Variants in ADD2 observed in about 807,000 individuals in gnomAD.
ADD2 encodes the protein beta-adducin.
ADD2 carries 23 observed loss-of-function variants against 83.0 expected under a neutral mutation model. The observed-to-expected ratio is 0.28, with a 90% CI of 0.20 to 0.39. ADD2 has a LOEUF of 0.39. Among genes scored for constraint, ADD2 ranks in the 10% least tolerant of loss-of-function variants. ADD2 has a pLI of 1.00. For missense variants in ADD2, 758 were observed against 944.9 expected, an observed-to-expected ratio of 0.80 and a Z score of 2.59; for synonymous variants, 375 against 375.4, an observed-to-expected ratio of 1.00 and a Z score of 0.01.
At chr2:70,748,888 C>G (rs978733334) in intron 1 of ADD2, among the ~76,000 whole-genome samples, 1 of 152,168 alleles carries the variant, frequency 6.6e-6, no homozygotes, top group Non-Finnish European at 1.5e-5. Flanking sequence ...TTTAAAGGCA[C>G]TTAGTGCAGC....
intron 15 of ADD2, among the ~76,000 whole-genome samples, chr2:70,668,409 C>T (rs1669766860): frequency 6.6e-6 from 1 of 152,222 alleles, no homozygotes; most frequent in East Asian, 1.9e-4. Flanking sequence ...ACAGCCTCCC[C>T]TGACATTGGA....
chr2:70,694,427 T>TA lies in ADD2; in HGVS notation c.555+1293_555+1294insT, dbSNP rs1181608239. On this transcript the variant is annotated intron_variant, in intron 6 of 15. Coordinates refer to ENST00000264436, the MANE Select transcript of ADD2 (RefSeq NM_001617.4). ...CTGCTCGCATTTCAGTGGCTCTGAGTGTCCAGCAGAATAAAGCCAAAGCAC... is the reference window on the plus strand; with the variant it reads ...CTGCTCGCATTTCAGTGGCTCTGAGTAGTCCAGCAGAATAAAGCCAAAGCAC... Among the ~76,000 whole-genome samples the TA allele has an allele frequency of 6.6e-5, 10 of 152,250 alleles. 1 individual carries two copies. In the East Asian group the frequency reaches 1.9e-3, roughly 29 times the overall value.
Position 70,663,733 on chromosome 2 carries a change from C to T in ADD2, c.1873G>A (p.Gly625Ser), listed in dbSNP as rs531410257. Reference sequence around the variant, plus strand: ...TTGCTTGTTTCTGTCTTCTTAGTACCTTCTAGAAAAAGATCAAAAGATATG... The same window carrying T: ...TTGCTTGTTTCTGTCTTCTTAGTACTTTCTAGAAAAAGATCAAAAGATATG... Reference protein sequence around the residue: ...LVSPSKSLEEGTKKTETSKAA... With the variant: ...LVSPSKSLEESTKKTETSKAA... The change falls in exon 16 of 16, where the codon GGT becomes AGT. Residue 625 changes from glycine to serine, a missense_variant and splice_region_variant. Gly to Ser is a moderately conservative substitution (Grantham distance 56). This residue lies in a region of ADD2 where 165 missense variants were observed against 176.2 expected (regional missense o/e 0.94). Transcript: ENST00000264436. The T allele has an allele frequency of 6.2e-7, 1 of 1,611,584 alleles. No homozygotes were observed. Among genetic ancestry groups the T allele is most frequent in the East Asian group, 2.2e-5 (1 of 44,854 alleles).
intron 9 of ADD2, among the ~76,000 whole-genome samples, chr2:70,685,694 T>C (rs1553370413): frequency 6.6e-6 from 1 of 152,206 alleles, no homozygotes. Flanking sequence ...CTGGTACATA[T>C]GGGGTGAAGT....
In ADD2 at chr2:70,730,303, G is replaced by A. The variant is rs143484383; in HGVS notation, c.-153-17119C>T. On this transcript the variant is annotated intron_variant, in intron 1 of 15. Coordinates refer to ENST00000264436, the MANE Select transcript of ADD2 (RefSeq NM_001617.4). Reference sequence around the variant, plus strand: ...GGACATGTGAGCATGATACCACATCGGGCCTCTGCACACAGAGGTTCTTCA... The same window carrying A: ...GGACATGTGAGCATGATACCACATCAGGCCTCTGCACACAGAGGTTCTTCA... 3.9e-3 allele frequency among the ~76,000 whole-genome samples: 587 copies of A among 152,284 alleles called. 6 individuals are homozygous for A. Among genetic ancestry groups the A allele is most frequent in the African/African-American group, 0.013 (545 of 41,568 alleles).
chr2:70,756,180 C>G (rs1259492170), intron 1 of ADD2, among the ~76,000 whole-genome samples: 6 of 152,152 alleles, frequency 3.9e-5, no homozygotes, highest in African/African-American at 1.2e-4. Flanking sequence ...CTTTCCTCCC[C>G]CAACATACAG....
chr2:70,742,869 G>GT lies in ADD2; in HGVS notation c.-154+25016dup, dbSNP rs144603491. ...ATACTTACATACATCTTAATGTTAT[G>GT]TTTTTTTAAGTTATGTGATATTTAA... On this transcript the variant is annotated intron_variant, in intron 1 of 15. Transcript: ENST00000264436. Among the ~76,000 whole-genome samples the GT allele has an allele frequency of 5.9e-3, 893 of 152,138 alleles. 9 individuals are homozygous for GT. Among genetic ancestry groups the GT allele is most frequent in the African/African-American group, 0.02 (843 of 41,484 alleles).
chr2:70,757,748 T>A (rs1245116466), intron 1 of ADD2, among the ~76,000 whole-genome samples: 3 of 152,198 alleles, frequency 2.0e-5, no homozygotes, highest in Non-Finnish European at 4.4e-5. Context: ...GATATTCTTA[T>A]GGAGACTCCA....
At chr2:70,739,471 T>C (rs188791707) in intron 1 of ADD2, among the ~76,000 whole-genome samples, 41 of 152,198 alleles carry the variant, frequency 2.7e-4, no homozygotes, top group Non-Finnish European at 5.3e-4. Flanking sequence ...GAAAGCAGTG[T>C]GGTGATTCCT....
At chr2:70,697,106 C>T (rs1420204085) in intron 4 of ADD2, among the ~76,000 whole-genome samples, 1 of 152,218 alleles carries the variant, frequency 6.6e-6, no homozygotes, top group African/African-American at 2.4e-5. Context: ...TTGCAGTGCA[C>T]CACTGCACGC....
At chr2:70,750,700 C>A (rs868980813) in intron 1 of ADD2, among the ~76,000 whole-genome samples, 5 of 152,154 alleles carry the variant, frequency 3.3e-5, no homozygotes, top group Non-Finnish European at 7.3e-5. Context: ...AGACCTCTAG[C>A]CTTCAGAATT....
At chr2:70,664,970 G>C (rs535427852) in intron 15 of ADD2, among the ~76,000 whole-genome samples, 29 of 143,990 alleles carry the variant, frequency 2.0e-4, no homozygotes, top group African/African-American at 6.1e-4. Flanking sequence ...GCATATGCGA[G>C]GGTGTGAATG....
chr2:70,702,377 G>C (rs1671636338), intron 4 of ADD2, among the ~76,000 whole-genome samples: 1 of 152,018 alleles, frequency 6.6e-6, no homozygotes, highest in South Asian at 2.1e-4. Context: ...ATGTTGGCCG[G>C]GCTGGTCTCA....
chr2:70,716,206 G>A (rs1433257640), intron 1 of ADD2, among the ~76,000 whole-genome samples: 1 of 151,976 alleles, frequency 6.6e-6, no homozygotes, highest in Non-Finnish European at 1.5e-5. Flanking sequence ...GCCCAGCTGG[G>A]AGCTGTGCGT....
chr2:70,763,869 C>T (rs1675243263), intron 1 of ADD2, among the ~76,000 whole-genome samples: 1 of 151,654 alleles, frequency 6.6e-6, no homozygotes, highest in South Asian at 2.1e-4. Context: ...ACCATCAGAA[C>T]AAATTACCCA....
Position 70,683,108 on chromosome 2 carries a change from C to T in ADD2, c.1125+483G>A, listed in dbSNP as rs139654500. Among the ~76,000 whole-genome samples the T allele has an allele frequency of 1.3e-4, 20 of 151,476 alleles. No individual in the cohort carries two copies. In the East Asian group the frequency reaches 1.6e-3, roughly 12 times the overall value. On this transcript the variant is annotated intron_variant, in intron 10 of 15. Transcript: ENST00000264436. ...CACAATGTCGGCTCACTGCAACCTC[C>T]GCCTCCCAGTTCAATTCTCCTGCCT... is the stretch of plus-strand genomic sequence containing the variant.
chr2:70,682,557 G>A (rs1670513865), intron 10 of ADD2, among the ~76,000 whole-genome samples: 1 of 152,194 alleles, frequency 6.6e-6, no homozygotes, highest in Non-Finnish European at 1.5e-5. Flanking sequence ...TAGCAGTGAG[G>A]ATGGGAAAAA....
Position 70,730,221 on chromosome 2 carries a change from C to T in ADD2, c.-153-17037G>A, listed in dbSNP as rs755829132. ...TACATGAGATATCTCAGCCCTTCCCCCAGTGTGAATGGAGTGGTGAGAAGA... is the reference window on the plus strand; with the variant it reads ...TACATGAGATATCTCAGCCCTTCCCTCAGTGTGAATGGAGTGGTGAGAAGA... On this transcript the variant is annotated intron_variant, in intron 1 of 15. Transcript: ENST00000264436. 2.3e-4 allele frequency among the ~76,000 whole-genome samples: 35 copies of T among 152,180 alleles called. 1 individual carries two copies. The highest frequency in any genetic ancestry group is 3.4e-4 in the Non-Finnish European group (23 of 68,036).
chr2:70,759,530 G>A (rs1453493460), intron 1 of ADD2, among the ~76,000 whole-genome samples: 1 of 152,114 alleles, frequency 6.6e-6, no homozygotes, highest in African/African-American at 2.4e-5. Context: ...TCATGGTGGT[G>A]GATCCCTCAT....
Sources: allele counts gnomAD v4.1 joint callset (sites outside exome capture counted in the v4.1 genomes callset), GRCh38; gene constraint gnomAD v4.1.1; regional missense constraint gnomAD v4.1.1; transcripts MANE v1.5; gene names NCBI Gene and HGNC (gene_info 2026-07-23, HGNC 2026-07-21).